ALOX5: variants seen among roughly 807,000 people sequenced by gnomAD.
ALOX5 encodes polyunsaturated fatty acid 5-lipoxygenase.
ALOX5 carries 64 observed loss-of-function variants against 87.9 expected under a neutral mutation model. That is an observed-to-expected ratio of 0.73 (90% CI 0.60 to 0.90). The LOEUF (loss-of-function observed/expected upper bound fraction) is 0.90, where lower values mean the gene tolerates loss of function less well. Among genes scored for constraint, ALOX5 ranks in the 40% least tolerant of loss-of-function variants. The probability of loss-of-function intolerance (pLI) is 0.00; values close to 1 mark genes in which losing one functional copy is unlikely to be tolerated. For synonymous variants in ALOX5, 388 were observed against 355.1 expected (o/e 1.09, Z -1.04); for missense variants, 822 against 907.5 (o/e 0.91, Z 1.21).
chr10:45,396,715 A>G (rs1840519766), intron 3 of ALOX5, among the ~76,000 whole-genome samples: 1 of 152,232 alleles, frequency 6.6e-6, no homozygotes, highest in African/African-American at 2.4e-5. Flanking sequence ...ACACTTCCCA[A>G]TTCATTGTCT....
At chr10:45,419,745 C>CAAAAACAAAAGAT (rs1442909998) in intron 4 of ALOX5, among the ~76,000 whole-genome samples, 1 of 152,228 alleles carries the variant, frequency 6.6e-6, no homozygotes, top group Non-Finnish European at 1.5e-5. Context: ...TTTCAAAAGG[C>CAAAAACAAAAGAT]ACCAGGGGTG....
intron 6 of ALOX5, among the ~76,000 whole-genome samples, chr10:45,427,625 C>G (rs1564441227): frequency 6.6e-6 from 1 of 152,206 alleles, no homozygotes; most frequent in Non-Finnish European, 1.5e-5. Flanking sequence ...AGAGTAGATA[C>G]TGACCCCTCC....
rs750603646 is a variant in ALOX5, at chr10:45,382,592, C to G, written c.260C>G (p.Thr87Arg). ...GACGACTGGTACCTGAAGTACATCA[C>G]GCTGAAGACGCCCCACGGGGACTAC... ...LNDDWYLKYI[T>R]LKTPHGDYIE... The change falls in exon 2 of 14, where the codon ACG becomes AGG. Residue 87 changes from threonine (T) to arginine (R), a missense_variant. Transcript: ENST00000374391. 1 of 1,614,016 alleles carries G rather than the reference C, an allele frequency of 6.2e-7. No homozygotes were observed. Among genetic ancestry groups the G allele is most frequent in the Admixed American group, 1.7e-5 (1 of 59,988 alleles).
intron 9 of ALOX5, 180 bp downstream of exon 9, chr10:45,441,610 C>T (rs959850973): frequency 1.8e-6 from 1 of 561,528 alleles, no homozygotes; most frequent in East Asian, 3.1e-5. Flanking sequence ...GCCAGGAGCA[C>T]TCCTCCAGGC....
At chr10:45,417,439 A>G (rs1841336994) in intron 4 of ALOX5, among the ~76,000 whole-genome samples, 1 of 151,984 alleles carries the variant, frequency 6.6e-6, no homozygotes, top group Non-Finnish European at 1.5e-5. Flanking sequence ...CCCACCCCCC[A>G]CATATGGTTG....
intron 6 of ALOX5, among the ~76,000 whole-genome samples, chr10:45,427,096 C>A (rs1369458404): frequency 6.6e-6 from 1 of 152,188 alleles, no homozygotes; most frequent in East Asian, 1.9e-4. Flanking sequence ...GAAAGGTAGG[C>A]CCGCCCCTCG....
intron 8 of ALOX5, 75 bp from the exon 9 acceptor site, chr10:45,441,269 G>C (rs931809047): frequency 7.5e-7 from 1 of 1,336,764 alleles, no homozygotes; most frequent in Non-Finnish European, 1.1e-6. Flanking sequence ...GCCTGGGTGG[G>C]GGAGCTGCGG....
intron 3 of ALOX5, among the ~76,000 whole-genome samples, chr10:45,410,011 A>G (rs963727060): frequency 6.6e-6 from 1 of 152,256 alleles, no homozygotes; most frequent in African/African-American, 2.4e-5. Flanking sequence ...CTGAAGAAGT[A>G]TTCCACATCC....
chr10:45,444,158 C>G lies in ALOX5; in HGVS notation c.1717C>G (p.Arg573Gly). The G allele has an allele frequency of 6.4e-7, 1 of 1,554,504 alleles. No homozygotes were observed. Among genetic ancestry groups the G allele is most frequent in the Non-Finnish European group, 8.7e-7 (1 of 1,149,130 alleles). ...SWIPNAPPTM[R>G]APPPTAKGVV... ...GATCCCCAATGCGCCCCCAACCATGCGAGCCCCGCCACCGACTGCCAAGGG... is the reference window on the plus strand; with the variant it reads ...GATCCCCAATGCGCCCCCAACCATGGGAGCCCCGCCACCGACTGCCAAGGG... Residue 573 changes from arginine to glycine, a missense_variant, in exon 13 of 14, where the codon CGA becomes GGA. Coordinates refer to ENST00000374391, the MANE Select transcript of ALOX5 (RefSeq NM_000698.5).
intron 1 of ALOX5, among the ~76,000 whole-genome samples, chr10:45,375,021 G>A (rs1475324691): frequency 6.6e-6 from 1 of 152,208 alleles, no homozygotes; most frequent in Non-Finnish European, 1.5e-5. Context: ...GAAAATGGAG[G>A]GTTGGCTTCA....
At position 45,443,515 on chromosome 10, in the gene ALOX5, C is replaced by T; in HGVS notation, c.1551C>T (p.Gly517=). 1.9e-6 allele frequency: 3 copies of T among 1,612,838 alleles called. No homozygotes were observed. The highest frequency in any genetic ancestry group is 2.5e-6 in the Non-Finnish European group (3 of 1,179,396). ...TCGTGAACGATGTCTACGTGTACGG[C>T]ATGCGGGGCCGCAAGTCCTCAGGTA... ...QDFVNDVYVY[G]MRGRKSSGFP... Residue 517 remains glycine, a synonymous_variant, in exon 11 of 14, where the codon GGC becomes GGT. Coordinates refer to ENST00000374391, the MANE Select transcript of ALOX5 (RefSeq NM_000698.5).
chr10:45,377,464 G>A (rs1194771145), intron 1 of ALOX5, among the ~76,000 whole-genome samples: 1 of 151,484 alleles, frequency 6.6e-6, no homozygotes, highest in Non-Finnish European at 1.5e-5. Flanking sequence ...CTGTCTTCCA[G>A]CCACCTCTCA....
intron 7 of ALOX5, among the ~76,000 whole-genome samples, chr10:45,436,966 A>G (rs558134504): frequency 3.9e-5 from 6 of 152,040 alleles, no homozygotes; most frequent in African/African-American, 1.4e-4. Flanking sequence ...TTGGTATTTT[A>G]TTTTGTGTAT....
In ALOX5 at chr10:45,425,238, C is replaced by T; in HGVS notation, c.834+106C>T. The T allele has an allele frequency of 1.5e-6, 2 of 1,365,342 alleles. No individual in the cohort carries two copies. Among genetic ancestry groups the T allele is most frequent in the East Asian group, 2.5e-5 (1 of 39,754 alleles). The allele number at this position is 1,365,342 out of a possible 1,614,324, so 84.6% of individuals were successfully genotyped here. A position where few individuals can be genotyped will look rare whatever the true frequency, so the allele number is the denominator to read the frequency against. On this transcript the variant is annotated intron_variant, in intron 6 of 13. Coordinates refer to ENST00000374391, the MANE Select transcript of ALOX5 (RefSeq NM_000698.5). The surrounding 1 kb of genome is among the most constrained non-coding windows in gnomAD (Gnocchi z 4.4). ...GGCCACCAAGACGCTAACTGCAGGC[C>T]CATCTGGCCTACAGCAGCCGCTTCC...
intron 9 of ALOX5, among the ~76,000 whole-genome samples, chr10:45,441,939 C>A (rs1842248295): frequency 6.6e-6 from 1 of 152,124 alleles, no homozygotes; most frequent in Non-Finnish European, 1.5e-5. Flanking sequence ...CCCTCTGTAG[C>A]CTTACCAAGC....
At chr10:45,381,144 A>T (rs1015582757) in intron 1 of ALOX5, among the ~76,000 whole-genome samples, 6 of 152,186 alleles carry the variant, frequency 3.9e-5, no homozygotes, top group African/African-American at 1.4e-4. Context: ...CCTGGCAGGG[A>T]GGGGGCCAAG....
At chr10:45,417,939 C>T (rs988420954) in intron 4 of ALOX5, among the ~76,000 whole-genome samples, 2 of 152,200 alleles carry the variant, frequency 1.3e-5, no homozygotes, top group Non-Finnish European at 2.9e-5. Flanking sequence ...CCTGTACTCC[C>T]CAGTGCCGCC....
At chr10:45,403,148 C>A (rs890933174) in intron 3 of ALOX5, among the ~76,000 whole-genome samples, 1 of 152,148 alleles carries the variant, frequency 6.6e-6, no homozygotes. Context: ...ATAGTGGGAT[C>A]CAAATTTGTG....
chr10:45,426,676 G>A (rs930077850), intron 6 of ALOX5, among the ~76,000 whole-genome samples: 3 of 152,104 alleles, frequency 2.0e-5, no homozygotes, highest in African/African-American at 7.2e-5. Flanking sequence ...ACTCCATCTG[G>A]TTTAATCCAA....
Sources: gnomAD v4.1 joint callset for allele counts (sites outside exome capture counted in the v4.1 genomes callset) on GRCh38, gnomAD v4.1.1 for gene constraint, Gnocchi (gnomAD v3.1) non-coding constraint, MANE v1.5 for transcripts, NCBI Gene and HGNC (gene_info 2026-07-23, HGNC 2026-07-21) for gene names.